The following LINGO2 variants were observed in gnomAD, a reference collection of about 807,000 sequenced individuals.
LINGO2 encodes leucine-rich repeat and immunoglobulin-like domain-containing nogo receptor-interacting protein 2.
A neutral mutation model predicts 30.6 loss-of-function variants in LINGO2; 14 were observed. The ratio of observed to expected loss-of-function variants is 0.46; its 90% CI spans 0.30 to 0.72. LINGO2 has a LOEUF of 0.72. Among genes scored for constraint, LINGO2 ranks in the 30% least tolerant of loss-of-function variants. The probability of loss-of-function intolerance (pLI) is 0.07; values close to 1 mark genes in which losing one functional copy is unlikely to be tolerated. For synonymous variants in LINGO2, 317 were observed against 288.5 expected, an observed-to-expected ratio of 1.10 and a Z score of -1.00; for missense variants, 729 against 751.7, an observed-to-expected ratio of 0.97 and a Z score of 0.35.
At chr9:29,110,319 T>C in the LINGO2 span, among the ~76,000 whole-genome samples, 1 of 152,192 alleles carries the variant, frequency 6.6e-6, no homozygotes, top group Non-Finnish European at 1.5e-5. Flanking sequence ...TCTGTACAGC[T>C]ACAGTTTTGT....
chr9:28,766,018 C>T, the LINGO2 span, among the ~76,000 whole-genome samples: 2,234 of 152,022 alleles, frequency 0.015, 23 homozygotes, highest in Non-Finnish European at 0.021. Context: ...AGAAAAGCTC[C>T]GTGACATAGA....
chr9:28,178,040 T>C (rs1828796929), intron 4 of LINGO2, among the ~76,000 whole-genome samples: 1 of 152,200 alleles, frequency 6.6e-6, no homozygotes, highest in Non-Finnish European at 1.5e-5. Context: ...TTCCTTTTAC[T>C]GCCCTCTGCA....
intron 2 of LINGO2, among the ~76,000 whole-genome samples, chr9:28,404,445 T>C (rs920886380): frequency 2.0e-5 from 3 of 152,178 alleles, no homozygotes; most frequent in East Asian, 1.9e-4. Context: ...GAAAGTCTCA[T>C]AGATGTTATT....
the LINGO2 span, among the ~76,000 whole-genome samples, chr9:29,114,176 A>ATT: frequency 6.6e-6 from 1 of 150,940 alleles, no homozygotes; most frequent in African/African-American, 2.4e-5. Context: ...TTAATAATAT[A>ATT]TATATTTTTT....
chr9:28,758,820 A>G, the LINGO2 span, among the ~76,000 whole-genome samples: 1 of 152,120 alleles, frequency 6.6e-6, no homozygotes, highest in South Asian at 2.1e-4. Context: ...TTTAGTTGTT[A>G]CTTATGTAAT....
At chr9:29,109,668 T>C in the LINGO2 span, among the ~76,000 whole-genome samples, 4 of 152,200 alleles carry the variant, frequency 2.6e-5, no homozygotes, top group Admixed American at 2.0e-4. Context: ...GTGAGCTTGG[T>C]GAATGAGCCT....
At chr9:29,144,259 T>C in the LINGO2 span, among the ~76,000 whole-genome samples, 7 of 149,886 alleles carry the variant, frequency 4.7e-5, no homozygotes, top group African/African-American at 1.7e-4. Flanking sequence ...TTTGGTTCCA[T>C]ATACATTTTA....
intron 4 of LINGO2, among the ~76,000 whole-genome samples, chr9:28,075,427 T>C (rs1825595132): frequency 1.3e-5 from 2 of 151,978 alleles, no homozygotes; most frequent in Non-Finnish European, 2.9e-5. Flanking sequence ...CTGTTGTATA[T>C]GTGAAGGACT....
chr9:28,750,733 C>T, the LINGO2 span, among the ~76,000 whole-genome samples: 2 of 152,054 alleles, frequency 1.3e-5, no homozygotes, highest in South Asian at 4.1e-4. Context: ...AATCATTTTA[C>T]CGCATATAAC....
intron 4 of LINGO2, among the ~76,000 whole-genome samples, chr9:28,057,401 G>T (rs530351019): frequency 1.3e-4 from 19 of 151,546 alleles, no homozygotes; most frequent in African/African-American, 4.6e-4. Flanking sequence ...GGAACCATTT[G>T]CCAGTAAGCG....
the LINGO2 span, among the ~76,000 whole-genome samples, chr9:28,848,297 A>AG: frequency 4.1e-5 from 5 of 122,202 alleles, no homozygotes; most frequent in African/African-American, 1.8e-4. Context: ...GCATATATAT[A>AG]TACTATATAT....
the LINGO2 span, among the ~76,000 whole-genome samples, chr9:29,078,949 C>A: frequency 6.6e-6 from 1 of 151,820 alleles, no homozygotes; most frequent in South Asian, 2.1e-4. Flanking sequence ...GTAATTATTT[C>A]ATTAAATCAT....
chr9:28,720,579 C>A, the LINGO2 span, among the ~76,000 whole-genome samples: 1 of 151,876 alleles, frequency 6.6e-6, no homozygotes, highest in Admixed American at 6.6e-5. Context: ...TTTTTTAACA[C>A]TAAATATATT....
the LINGO2 span, among the ~76,000 whole-genome samples, chr9:29,021,747 A>AGG: frequency 2.6e-5 from 4 of 151,404 alleles, no homozygotes; most frequent in Non-Finnish European, 5.9e-5. Context: ...GAAGGAAGGA[A>AGG]AGCATTGACT....
intron 1 of LINGO2, among the ~76,000 whole-genome samples, chr9:28,498,755 G>C (rs1023972723): frequency 6.6e-6 from 1 of 152,122 alleles, no homozygotes; most frequent in African/African-American, 2.4e-5. Context: ...CGCTCATGCT[G>C]GGAGCTGTAG....
chr9:28,180,467 C>T (rs983704056), intron 4 of LINGO2, among the ~76,000 whole-genome samples: 6 of 151,972 alleles, frequency 3.9e-5, no homozygotes, highest in Non-Finnish European at 7.4e-5. Flanking sequence ...CTGATCACTA[C>T]GGTCATTATT....
the LINGO2 span, among the ~76,000 whole-genome samples, chr9:29,069,643 A>T: frequency 6.6e-6 from 1 of 152,158 alleles, no homozygotes; most frequent in Non-Finnish European, 1.5e-5. Flanking sequence ...CTTGGTTAAT[A>T]ATAATTTAGT....
At chr9:28,792,724 G>A in the LINGO2 span, among the ~76,000 whole-genome samples, 3 of 152,094 alleles carry the variant, frequency 2.0e-5, no homozygotes, top group South Asian at 2.1e-4. Context: ...TATCTCAAGT[G>A]TCTTAAGTGA....
At chr9:28,451,419 G>A (rs1331519674) in intron 2 of LINGO2, among the ~76,000 whole-genome samples, 1 of 151,710 alleles carries the variant, frequency 6.6e-6, no homozygotes, top group Admixed American at 6.6e-5. Context: ...AAACAGGTTC[G>A]ATAAAGCTTT....
Sources: gnomAD v4.1 joint callset for allele counts (sites outside exome capture counted in the v4.1 genomes callset) on GRCh38, gnomAD v4.1.1 for gene constraint, MANE v1.5 for transcripts, NCBI Gene and HGNC (gene_info 2026-07-23, HGNC 2026-07-21) for gene names.